ADAM18: variants seen among roughly 807,000 people sequenced by gnomAD.
The protein encoded by ADAM18 is disintegrin and metalloproteinase domain-containing protein 18.
In ADAM18, 117 loss-of-function variants were observed where a neutral mutation model predicts 94.4. That is an observed-to-expected ratio of 1.24 (90% CI 1.07 to 1.45). ADAM18 has a LOEUF of 1.45. ADAM18 is among the 40% of genes most tolerant of loss of function. The pLI is 0.00. For missense variants in ADAM18, 936 were observed against 880.0 expected (o/e 1.06, Z -0.81); for synonymous variants, 327 against 291.6 (o/e 1.12, Z -1.24).
intron 18 of ADAM18, among the ~76,000 whole-genome samples, chr8:39,716,662 C>A (rs186909447): frequency 1.0e-3 from 158 of 152,056 alleles, no homozygotes; most frequent in African/African-American, 3.3e-3. Flanking sequence ...GAGAGCAACA[C>A]GCATTTTGCT....
intron 1 of ADAM18, among the ~76,000 whole-genome samples, chr8:39,585,039 A>AG (rs1187739688): frequency 1.3e-5 from 2 of 152,074 alleles, no homozygotes; most frequent in African/African-American, 2.4e-5. Context: ...AGGGAACCAG[A>AG]GGGGCCTGTA....
intron 19 of ADAM18, among the ~76,000 whole-genome samples, chr8:39,727,206 T>C (rs1483504276): frequency 1.3e-5 from 2 of 152,182 alleles, no homozygotes; most frequent in Admixed American, 1.3e-4. Flanking sequence ...TGTATTCAAG[T>C]CCTTTTCCCC....
chr8:39,625,335 T>C (rs1819730569), intron 6 of ADAM18, among the ~76,000 whole-genome samples: 1 of 152,180 alleles, frequency 6.6e-6, no homozygotes, highest in Non-Finnish European at 1.5e-5. Flanking sequence ...GATTCTCAGC[T>C]TGGTCATTGT....
chr8:39,678,286 T>A (rs1821350678), intron 15 of ADAM18, among the ~76,000 whole-genome samples: 2 of 152,198 alleles, frequency 1.3e-5, no homozygotes, highest in South Asian at 4.1e-4. Context: ...ACTATCAGTA[T>A]TGTTCAAAGC....
At chr8:39,697,661 T>G (rs572675111) in intron 17 of ADAM18, among the ~76,000 whole-genome samples, 1 of 151,908 alleles carries the variant, frequency 6.6e-6, no homozygotes, top group Non-Finnish European at 1.5e-5. Context: ...TGTTTATTTC[T>G]GTTAAAAATT....
At chr8:39,631,274 T>A (rs573311965) in intron 7 of ADAM18, among the ~76,000 whole-genome samples, 10 of 151,972 alleles carry the variant, frequency 6.6e-5, no homozygotes, top group Admixed American at 3.9e-4. Context: ...ATTTTCTTAT[T>A]CCAAGGACAT....
chr8:39,605,711 T>C, intron 2 of ADAM18: 1 of 229,746 alleles, frequency 4.4e-6, no homozygotes, highest in African/African-American at 2.3e-5. Context: ...TTTATTTTAT[T>C]TTATTTTTAT....
intron 2 of ADAM18, among the ~76,000 whole-genome samples, chr8:39,605,367 C>A (rs2129578303): frequency 6.6e-6 from 1 of 152,204 alleles, no homozygotes; most frequent in African/African-American, 2.4e-5. Flanking sequence ...TTGTTAGTAC[C>A]CAATTTGTGA....
At chr8:39,604,011 G>A (rs1030974180) in intron 2 of ADAM18, among the ~76,000 whole-genome samples, 9 of 152,070 alleles carry the variant, frequency 5.9e-5, no homozygotes, top group Non-Finnish European at 8.8e-5. Context: ...CATCAGTTAC[G>A]TGGTCATTTA....
chr8:39,701,943 G>A (rs1822091276), intron 17 of ADAM18, among the ~76,000 whole-genome samples: 1 of 152,104 alleles, frequency 6.6e-6, no homozygotes, highest in South Asian at 2.1e-4. Flanking sequence ...GTGCTGCAAT[G>A]CACATATGCC....
intron 12 of ADAM18, among the ~76,000 whole-genome samples, chr8:39,650,198 A>G (rs1820494884): frequency 6.6e-6 from 1 of 152,338 alleles, no homozygotes; most frequent in East Asian, 1.9e-4. Context: ...CTGAAACACC[A>G]TTACAGTTAT....
chr8:39,716,305 T>A (rs868134915), intron 18 of ADAM18, among the ~76,000 whole-genome samples: 44 of 152,002 alleles, frequency 2.9e-4, no homozygotes, highest in Middle Eastern at 3.2e-3. Context: ...TTGAAATCTT[T>A]CTCTCTCATT....
At chr8:39,677,272 A>G (rs1438273716) in intron 14 of ADAM18, among the ~76,000 whole-genome samples, 159 bp from the exon 15 acceptor site, 1 of 152,234 alleles carries the variant, frequency 6.6e-6, no homozygotes, top group African/African-American at 2.4e-5. Flanking sequence ...AGATAAGACA[A>G]TTATTTCTTT....
intron 18 of ADAM18, among the ~76,000 whole-genome samples, chr8:39,711,814 G>A (rs1319726630): frequency 2.0e-5 from 3 of 151,812 alleles, no homozygotes; most frequent in Admixed American, 2.0e-4. Context: ...ACCATATGGA[G>A]AGAATAATGA....
At position 39,637,625 on chromosome 8, in the gene ADAM18, A is replaced by C; in HGVS notation, c.749A>C (p.Asp250Ala). The C allele has an allele frequency of 6.2e-7, 1 of 1,612,888 alleles. No individual in the cohort carries two copies. The highest frequency in any genetic ancestry group is 8.5e-7 in the Non-Finnish European group (1 of 1,179,312). ...ENQISTSGDA[D>A]DILQRFLAWK... ...CAGATTTCCACCAGTGGGGATGCTGATGATATATTACAAAGATTTTTGGCA... is the reference window on the plus strand; with the variant it reads ...CAGATTTCCACCAGTGGGGATGCTGCTGATATATTACAAAGATTTTTGGCA... The change falls in exon 9 of 20, where the codon GAT becomes GCT. Residue 250 changes from aspartate to alanine, a missense_variant. Coordinates refer to ENST00000265707, the MANE Select transcript of ADAM18 (RefSeq NM_014237.3).
chr8:39,624,497 T>C (rs537317830), intron 6 of ADAM18, among the ~76,000 whole-genome samples: 1 of 152,348 alleles, frequency 6.6e-6, no homozygotes, highest in Admixed American at 6.5e-5. Flanking sequence ...GTATATTCCA[T>C]TGGTCTATGT....
chr8:39,636,391 T>C (rs1054365494), intron 7 of ADAM18, among the ~76,000 whole-genome samples: 1 of 152,218 alleles, frequency 6.6e-6, no homozygotes, highest in African/African-American at 2.4e-5. Context: ...CTTTGAACTT[T>C]ATCTTTGGCC....
chr8:39,679,893 G>C, intron 15 of ADAM18, 144 bp from the exon 16 acceptor site: 1 of 721,682 alleles, frequency 1.4e-6, no homozygotes, highest in East Asian at 2.7e-5. Flanking sequence ...TAGTTGTTGT[G>C]CACCATAAAA....
intron 17 of ADAM18, among the ~76,000 whole-genome samples, chr8:39,700,675 C>T (rs2129581119): frequency 6.6e-6 from 1 of 151,972 alleles, no homozygotes; most frequent in African/African-American, 2.4e-5. Flanking sequence ...TGATTTGGGG[C>T]ACTTTTTATA....
Sources: allele counts gnomAD v4.1 joint callset (sites outside exome capture counted in the v4.1 genomes callset), GRCh38; gene constraint gnomAD v4.1.1; transcripts MANE v1.5; gene names NCBI Gene and HGNC (gene_info 2026-07-23, HGNC 2026-07-21).